OSCP1: variants seen among roughly 807,000 people sequenced by gnomAD.
OSCP1 encodes protein OSCP1.
A neutral mutation model predicts 45.1 loss-of-function variants in OSCP1; 35 were observed. That is an observed-to-expected ratio of 0.78 (90% confidence interval 0.59 to 1.03). The LOEUF is 1.03. Ranked by LOEUF, OSCP1 falls within the 50% of genes least tolerant of loss-of-function variation. OSCP1 has a pLI of 0.00. For synonymous variants in OSCP1, 179 were observed against 180.1 expected (o/e 0.99, Z 0.05); for missense variants, 400 against 470.7 (o/e 0.85, Z 1.39).
intron 4 of OSCP1, among the ~76,000 whole-genome samples, chr1:36,431,468 G>C (rs1648358277): frequency 6.6e-6 from 1 of 152,054 alleles, no homozygotes; most frequent in African/African-American, 2.4e-5. Context: ...GTCAGTACTG[G>C]AGAGGTCAAG....
At chr1:36,428,358 G>A in intron 4 of OSCP1, 1 of 1,613,818 alleles carries the variant, frequency 6.2e-7, no homozygotes, top group Non-Finnish European at 8.5e-7. Flanking sequence ...TTCTCAAAAG[G>A]GTATACATAA....
intron 2 of OSCP1, among the ~76,000 whole-genome samples, chr1:36,435,201 C>T (rs142661457): frequency 5.2e-4 from 78 of 150,342 alleles, no homozygotes; most frequent in Admixed American, 1.5e-3. Flanking sequence ...CTCAAGCTAT[C>T]CTCCTGTCTC....
At position 36,447,667 on chromosome 1, in the gene OSCP1, T is replaced by G. The variant is rs1404451190; in HGVS notation, c.112+2591A>C. ...TCCATCTGTAAAATGGGGATAGTAATATTACCTATGTGTTACAATAGTTGG... is the reference window on the plus strand; with the variant it reads ...TCCATCTGTAAAATGGGGATAGTAAGATTACCTATGTGTTACAATAGTTGG... On this transcript the variant is annotated intron_variant, in intron 1 of 9. Coordinates refer to ENST00000235532, the MANE Select transcript of OSCP1 (RefSeq NM_145047.5). This position sits in a 1 kb window ranked among gnomAD's most constrained non-coding sequence, Gnocchi z 4.1. The G allele has an allele frequency of 5.6e-6, 1 of 179,216 alleles. No individual in the cohort carries two copies. The highest frequency in any genetic ancestry group is 5.8e-5 in the Admixed American group (1 of 17,384). The allele number at this position is 179,216 out of a possible 1,614,324, so 11.1% of individuals were successfully genotyped here. A position where few individuals can be genotyped will look rare whatever the true frequency, so the allele number is the denominator to read the frequency against.
At chr1:36,449,835 CAAAAAAA>C (rs67376533) in intron 1 of OSCP1, among the ~76,000 whole-genome samples, 3 of 20,336 alleles carry the variant, frequency 1.5e-4, no homozygotes, top group East Asian at 2.7e-3. Context: ...GACCCTGTCT[CAAAAAAA>C]AAAAAAAAAA....
chr1:36,422,613 A>C (rs1448611546), intron 6 of OSCP1, among the ~76,000 whole-genome samples, 155 bp downstream of exon 6: 1 of 151,844 alleles, frequency 6.6e-6, no homozygotes, highest in Non-Finnish European at 1.5e-5. Context: ...TGCCCTTTGA[A>C]ATGTCAGGCC....
At chr1:36,433,565 A>G (rs1319151409) in intron 2 of OSCP1, among the ~76,000 whole-genome samples, 1 of 152,186 alleles carries the variant, frequency 6.6e-6, no homozygotes, top group Non-Finnish European at 1.5e-5. Flanking sequence ...TACCTGACTG[A>G]TGGGCTCACT....
chr1:36,428,249 C>T, intron 4 of OSCP1: 5 of 1,194,186 alleles, frequency 4.2e-6, no homozygotes, highest in Non-Finnish European at 4.4e-6. Flanking sequence ...ATCTATTTAT[C>T]TTCCTTTGTC....
At chr1:36,427,833 G>C (rs16866066) in intron 4 of OSCP1, among the ~76,000 whole-genome samples, 15,557 of 152,100 alleles carry the variant, frequency 0.1, 947 homozygotes, top group East Asian at 0.29. Flanking sequence ...CAATGACAGA[G>C]ATCTTAATTT....
intron 5 of OSCP1, 92 bp downstream of exon 5, chr1:36,423,271 T>G: frequency 9.7e-7 from 1 of 1,028,264 alleles, no homozygotes; most frequent in Non-Finnish European, 1.5e-6. Context: ...GGGCAGACTG[T>G]GAGTGGCTTG....
intron 2 of OSCP1, among the ~76,000 whole-genome samples, chr1:36,435,091 CTTTTTT>C (rs201268337): frequency 0.035 from 4,343 of 125,752 alleles, 243 homozygotes; most frequent in East Asian, 0.3. Context: ...TTTTCTTTTT[CTTTTTT>C]TTTTTTTTTT....
intron 1 of OSCP1, among the ~76,000 whole-genome samples, chr1:36,442,735 T>A (rs1649278080): frequency 6.6e-6 from 1 of 152,208 alleles, no homozygotes; most frequent in African/African-American, 2.4e-5. Flanking sequence ...TCCCAGGCAC[T>A]GGGCTTAGAA....
chr1:36,434,767 A>G (rs1028712640), intron 2 of OSCP1, among the ~76,000 whole-genome samples: 2 of 151,380 alleles, frequency 1.3e-5, no homozygotes, highest in African/African-American at 2.4e-5. Context: ...AAAAAAAAAA[A>G]AAAAGAAATT....
At chr1:36,430,782 G>C (rs888267696) in intron 4 of OSCP1, among the ~76,000 whole-genome samples, 1 of 152,156 alleles carries the variant, frequency 6.6e-6, no homozygotes, top group Non-Finnish European at 1.5e-5. Context: ...AGCCTCCTGA[G>C]TAGCTGGGAC....
At chr1:36,422,297 T>C in intron 6 of OSCP1, 78 bp from the exon 7 acceptor site, 1 of 1,334,726 alleles carries the variant, frequency 7.5e-7, no homozygotes, top group South Asian at 1.2e-5. Context: ...GCATAGTTTG[T>C]AGCTTTTATT....
At chr1:36,433,217 A>T (rs1164925634) in intron 2 of OSCP1, among the ~76,000 whole-genome samples, 1 of 152,180 alleles carries the variant, frequency 6.6e-6, no homozygotes, top group African/African-American at 2.4e-5. Context: ...ACTGGTGGGG[A>T]CCAAAGTGGT....
chr1:36,418,894 C>T (rs2124771592), intron 9 of OSCP1, 97 bp downstream of exon 9: 3 of 1,054,612 alleles, frequency 2.8e-6, no homozygotes, highest in Middle Eastern at 2.5e-4. Context: ...AGCCACTGCA[C>T]TTCACCTGGG....
chr1:36,441,484 C>T (rs141870426), intron 1 of OSCP1, among the ~76,000 whole-genome samples: 1,866 of 152,138 alleles, frequency 0.012, 44 homozygotes, highest in African/African-American at 0.042. Context: ...CGCGGTGGCT[C>T]ACGCCTGTAA....
Position 36,450,238 on chromosome 1 carries a change from G to C in OSCP1, c.112+20C>G, listed in dbSNP as rs1308292172. 1 of 1,600,642 alleles carries C rather than the reference G, an allele frequency of 6.2e-7. No homozygotes were observed. Among genetic ancestry groups the C allele is most frequent in the Non-Finnish European group, 8.6e-7 (1 of 1,169,050 alleles). On this transcript the variant is annotated intron_variant, in intron 1 of 9. Transcript: ENST00000235532. The stretch of plus-strand genomic sequence containing the variant: ...GGCTGCTGGCTGCGGGTCTGGCTGA[G>C]CGGGCCGGGGGCCTCTCACCTTTGC...
intron 2 of OSCP1, among the ~76,000 whole-genome samples, chr1:36,434,430 C>G (rs1648577732): frequency 6.6e-6 from 1 of 152,176 alleles, no homozygotes; most frequent in Admixed American, 6.5e-5. Flanking sequence ...TGCAGCCAAA[C>G]ATTTCCACTT....
Sources: allele counts gnomAD v4.1 joint callset (sites outside exome capture counted in the v4.1 genomes callset), GRCh38; gene constraint gnomAD v4.1.1; non-coding constraint Gnocchi (gnomAD v3.1); transcripts MANE v1.5; gene names NCBI Gene and HGNC (gene_info 2026-07-23, HGNC 2026-07-21).